Variants in ITSN2 observed in about 807,000 individuals in gnomAD.
The protein encoded by ITSN2 is intersectin 2.
ITSN2 carries 156 observed loss-of-function variants against 243.7 expected under a neutral mutation model. The observed-to-expected ratio is 0.64, with a 90% confidence interval of 0.56 to 0.73. The LOEUF is 0.73. Among genes scored for constraint, ITSN2 ranks in the 30% least tolerant of loss-of-function variants. The pLI, the probability that ITSN2 is intolerant of heterozygous loss-of-function variation, is 0.00. For missense variants in ITSN2, 1,801 were observed against 1,996.1 expected, an observed-to-expected ratio of 0.90 and a Z score of 1.86; for synonymous variants, 703 against 699.9, an observed-to-expected ratio of 1.00 and a Z score of -0.07.
At chr2:24,323,902 G>T (rs1175520436) in intron 2 of ITSN2, among the ~76,000 whole-genome samples, 1 of 152,180 alleles carries the variant, frequency 6.6e-6, no homozygotes, top group Non-Finnish European at 1.5e-5. Context: ...GAAACCTTAA[G>T]ACTATTTTAA....
At position 24,208,241 on chromosome 2, in the gene ITSN2, G is replaced by A. The variant is rs1225237103; in HGVS notation, c.4674C>T (p.Tyr1558=). ...DTEKKKREKA[Y]QARSQKTSGI... ...ACCCTCCGGGCACCCTGATACCTTGGTAAGCTTTCTCACGCTTCTTCTTCT... is the reference window on the plus strand; with the variant it reads ...ACCCTCCGGGCACCCTGATACCTTGATAAGCTTTCTCACGCTTCTTCTTCT... Residue 1558 remains tyrosine (Y), a synonymous_variant, in exon 37 of 40, where the codon TAC becomes TAT. Coordinates refer to ENST00000355123, the MANE Select transcript of ITSN2 (RefSeq NM_006277.3). The A allele has an allele frequency of 3.1e-6, 5 of 1,612,188 alleles. No individual in the cohort carries two copies. The highest frequency in any genetic ancestry group is 4.2e-6 in the Non-Finnish European group (5 of 1,179,716).
At chr2:24,305,654 A>G (rs1682439860) in intron 8 of ITSN2, among the ~76,000 whole-genome samples, 2 of 151,342 alleles carry the variant, frequency 1.3e-5, no homozygotes, top group Non-Finnish European at 2.9e-5. Flanking sequence ...AGTCCAGGTT[A>G]GCCTCATCCT....
intron 30 of ITSN2, 24 bp downstream of exon 30, chr2:24,220,921 G>A: frequency 1.3e-6 from 2 of 1,584,904 alleles, no homozygotes; most frequent in Non-Finnish European, 8.6e-7. Context: ...TACCCCGAGA[G>A]CTAGCCAGCA....
intron 18 of ITSN2, among the ~76,000 whole-genome samples, 153 bp from the exon 19 acceptor site, chr2:24,272,094 G>A (rs1677431866): frequency 6.6e-6 from 1 of 152,176 alleles, no homozygotes; most frequent in East Asian, 1.9e-4. Context: ...AGAGGTGAAA[G>A]GAAAACAAAT....
intron 1 of ITSN2, among the ~76,000 whole-genome samples, chr2:24,335,961 G>A (rs1229849458): frequency 6.6e-6 from 1 of 151,608 alleles, no homozygotes; most frequent in African/African-American, 2.4e-5. Flanking sequence ...GTTTCCCTTG[G>A]CCGGGCATGG....
In ITSN2 at chr2:24,205,255, T is replaced by G. The variant is rs751516293; in HGVS notation, c.4721A>C (p.His1574Pro). 1 of 1,614,042 alleles carries G rather than the reference T, an allele frequency of 6.2e-7. No individual in the cohort carries two copies. The highest frequency in any genetic ancestry group is 8.5e-7 in the Non-Finnish European group (1 of 1,179,920). ...KTSGIGRLMV[H>P]VIEATELKAC... ...TTTTAATTCTGTAGCTTCAATGACA[T>G]GCACCATCAGGCGCCCAATGCCTGA... is the stretch of plus-strand genomic sequence containing the variant. Residue 1574 changes from histidine (H) to proline (P), a missense_variant, in exon 38 of 40, where the codon CAT (histidine) becomes CCT (proline). Around this residue, in one of 5 missense-constraint regions of ITSN2, gnomAD observed 928 missense variants for 1,065.4 expected, o/e 0.87. Coordinates refer to ENST00000355123, the MANE Select transcript of ITSN2 (RefSeq NM_006277.3).
In ITSN2 at chr2:24,215,934, T is replaced by A. The variant is rs998193112; in HGVS notation, c.3990+115A>T. The A allele has an allele frequency of 5.6e-6, 4 of 710,090 alleles. No individual in the cohort carries two copies. The East Asian group carries it at 1.3e-4, about 23-fold the overall frequency. The allele number at this position is 710,090 out of a possible 1,614,324, so 44.0% of individuals were successfully genotyped here. ...ATTCTCTGCCGTTTTGGTGTTTCCT[T>A]TGGAAACTGATGGGGATGCCCTTCT... On this transcript the variant is annotated intron_variant, in intron 32 of 39. Coordinates refer to ENST00000355123, the MANE Select transcript of ITSN2 (RefSeq NM_006277.3).
chr2:24,274,076 T>G (rs1296053245), intron 18 of ITSN2, among the ~76,000 whole-genome samples: 2 of 152,186 alleles, frequency 1.3e-5, no homozygotes, highest in African/African-American at 4.8e-5. Context: ...GTGAACACGA[T>G]GAAGAAAGAT....
At chr2:24,314,491 A>G (rs905065951) in intron 3 of ITSN2, among the ~76,000 whole-genome samples, 4 of 152,250 alleles carry the variant, frequency 2.6e-5, no homozygotes, top group Non-Finnish European at 4.4e-5. Flanking sequence ...AATATAGACA[A>G]CAACAGTGCC....
chr2:24,252,211 T>C lies in ITSN2; in HGVS notation c.3120+134A>G, dbSNP rs141586447. 9.2e-4 allele frequency: 620 copies of C among 673,818 alleles called. 9 individuals carry two copies. The Admixed American group carries it at 0.016, about 17-fold the overall frequency. 41.7% of individuals were successfully genotyped at this position (673,818 alleles called of 1,614,324 possible). A position where few individuals can be genotyped will look rare whatever the true frequency, so the allele number is the denominator to read the frequency against. ...CAGTTTCTTTGTAACCAAAGCAACCTGATCAAAACCATAAACATGATCTCT... is the reference window on the plus strand; with the variant it reads ...CAGTTTCTTTGTAACCAAAGCAACCCGATCAAAACCATAAACATGATCTCT... On this transcript the variant is annotated intron_variant, in intron 25 of 39. Transcript: ENST00000355123.
intron 1 of ITSN2, among the ~76,000 whole-genome samples, chr2:24,341,727 T>C (rs1031334389): frequency 6.6e-6 from 1 of 151,994 alleles, no homozygotes; most frequent in Non-Finnish European, 1.5e-5. Flanking sequence ...AATACAAAAA[T>C]GCGCCGGGCA....
chr2:24,277,031 G>A (rs1321685409), intron 17 of ITSN2, among the ~76,000 whole-genome samples: 1 of 152,164 alleles, frequency 6.6e-6, no homozygotes, highest in Non-Finnish European at 1.5e-5. Flanking sequence ...CGGAGACCTA[G>A]GAACTGCCCC....
chr2:24,290,140 C>T (rs1016547805), intron 15 of ITSN2, among the ~76,000 whole-genome samples: 1 of 152,138 alleles, frequency 6.6e-6, no homozygotes, highest in Non-Finnish European at 1.5e-5. Flanking sequence ...ACAGAAATTG[C>T]CAAACTACTA....
In ITSN2 at chr2:24,211,886, A is replaced by G. The variant is rs148519705; in HGVS notation, c.4089+764T>C. 6.6e-6 allele frequency among the ~76,000 whole-genome samples: 1 copy of G among 152,314 alleles called. No homozygotes were observed. The highest frequency in any genetic ancestry group is 1.9e-4 in the East Asian group (1 of 5,192). On this transcript the variant is annotated intron_variant, in intron 33 of 39. Coordinates refer to ENST00000355123, the MANE Select transcript of ITSN2 (RefSeq NM_006277.3). The surrounding 1 kb of genome is among the most constrained non-coding windows in gnomAD (Gnocchi z 4.1). ...AAGTATTTCAATGAAGGGGCTGTGA[A>G]CCTGCATTATGGTTCAGTTTAGTGC... is the stretch of plus-strand genomic sequence containing the variant.
intron 29 of ITSN2, among the ~76,000 whole-genome samples, chr2:24,235,770 A>G (rs1672091552): frequency 6.6e-6 from 1 of 152,254 alleles, no homozygotes; most frequent in African/African-American, 2.4e-5. Flanking sequence ...GATGCCCAAT[A>G]TCATTAGTCA....
At chr2:24,330,590 C>T (rs1685670855) in intron 1 of ITSN2, 1 of 853,154 alleles carries the variant, frequency 1.2e-6, no homozygotes, top group Admixed American at 1.7e-5. Context: ...CTTATGCTGG[C>T]AAGGAGGGGA....
intron 22 of ITSN2, 116 bp downstream of exon 22, chr2:24,260,990 T>G: frequency 1.2e-6 from 1 of 824,620 alleles, no homozygotes; most frequent in African/African-American, 1.8e-5. Context: ...AGAAAGAAAC[T>G]GAATGCTACA....
At chr2:24,267,474 T>TAC (rs202200193) in intron 20 of ITSN2, among the ~76,000 whole-genome samples, 14 of 151,672 alleles carry the variant, frequency 9.2e-5, no homozygotes, top group East Asian at 3.9e-4. Flanking sequence ...CATACATACA[T>TAC]ACACACACAC....
rs202045980 is a variant in ITSN2 at position 24,209,938 on chromosome 2, G to A, written c.4353C>T (p.His1451=). 50 of 1,614,108 alleles carry A rather than the reference G, an allele frequency of 3.1e-5. No homozygotes were observed. In the East Asian group the frequency reaches 8.5e-4, roughly 27 times the overall value. The change falls in exon 35 of 40, where the codon CAC becomes CAT. Residue 1451 remains histidine, a synonymous_variant. Coordinates refer to ENST00000355123, the MANE Select transcript of ITSN2 (RefSeq NM_006277.3). The part of the protein sequence containing the change: ...LYKTKSNKEL[H]GFLFNDFLLL... ...GCAGGAAGTCATTGAAGAGGAATCC[G>A]TGCAGTTCCTTGTTGCTCTTGGTCT... is the stretch of plus-strand genomic sequence containing the variant.
Sources: gnomAD v4.1 joint callset for allele counts (sites outside exome capture counted in the v4.1 genomes callset) on GRCh38, gnomAD v4.1.1 for gene constraint, gnomAD v4.1.1 regional missense constraint, Gnocchi (gnomAD v3.1) non-coding constraint, MANE v1.5 for transcripts, NCBI Gene and HGNC (gene_info 2026-07-23, HGNC 2026-07-21) for gene names.